Variants in KAT2B observed in about 807,000 individuals in gnomAD.
KAT2B encodes the protein lysine acetyltransferase 2B, also known as histone acetyltransferase KAT2B.
KAT2B carries 36 observed loss-of-function variants against 105.9 expected under a neutral mutation model. That is an observed-to-expected ratio of 0.34 (90% CI 0.26 to 0.45). The LOEUF (loss-of-function observed/expected upper bound fraction) is 0.45. Among genes scored for constraint, KAT2B ranks in the 20% least tolerant of loss-of-function variants. KAT2B has a pLI of 1.00. For missense variants in KAT2B, 820 were observed against 1,021.6 expected (o/e 0.80, Z 2.69); for synonymous variants, 397 against 377.9 (o/e 1.05, Z -0.59).
chr3:20,070,267 T>C (rs1698297027), intron 1 of KAT2B, among the ~76,000 whole-genome samples: 1 of 151,982 alleles, frequency 6.6e-6, no homozygotes, highest in South Asian at 2.1e-4. Flanking sequence ...CCATGACCCT[T>C]CTTACCTTGC....
At chr3:20,089,922 C>T (rs1012121829) in intron 2 of KAT2B, among the ~76,000 whole-genome samples, 3 of 151,310 alleles carry the variant, frequency 2.0e-5, no homozygotes, top group African/African-American at 7.3e-5. Flanking sequence ...GGAAGGATTG[C>T]TTGAGCCCAG....
chr3:20,126,437 T>A (rs533496528), intron 10 of KAT2B, among the ~76,000 whole-genome samples: 1 of 152,036 alleles, frequency 6.6e-6, no homozygotes, highest in Admixed American at 6.6e-5. Context: ...GGTTTTGGTA[T>A]CTTAACTAGG....
At chr3:20,041,373 G>T (rs1465123885) in intron 1 of KAT2B, among the ~76,000 whole-genome samples, 1 of 152,110 alleles carries the variant, frequency 6.6e-6, no homozygotes, top group Non-Finnish European at 1.5e-5. Context: ...AGGCACTGCC[G>T]CGCGCGGTGA....
rs905532714 is a variant in KAT2B at position 20,118,037 on chromosome 3, A to G, written c.1151-1561A>G. ...ACCTGGTTATAAACCAATTGTTAAC[A>G]TTTTGCCATCCTTGCTTTATTATTA... On this transcript the variant is annotated intron_variant, in intron 7 of 17. Coordinates refer to ENST00000263754, the MANE Select transcript of KAT2B (RefSeq NM_003884.5). 2.0e-5 allele frequency among the ~76,000 whole-genome samples: 3 copies of G among 151,554 alleles called. No individual in the cohort carries two copies. The East Asian group carries it at 5.8e-4, about 29-fold the overall frequency.
chr3:20,097,358 A>G (rs754665595), intron 3 of KAT2B, among the ~76,000 whole-genome samples: 1 of 152,092 alleles, frequency 6.6e-6, no homozygotes, highest in Non-Finnish European at 1.5e-5. Context: ...TCCCTCCTTC[A>G]TCTTAAAATA....
At chr3:20,136,354 T>C (rs1392656064) in intron 11 of KAT2B, among the ~76,000 whole-genome samples, 1 of 152,212 alleles carries the variant, frequency 6.6e-6, no homozygotes, top group Non-Finnish European at 1.5e-5. Context: ...CTTTCTAATG[T>C]CTTCTGGCTG....
intron 3 of KAT2B, among the ~76,000 whole-genome samples, chr3:20,098,546 AT>A (rs1698853159): frequency 6.6e-6 from 1 of 152,156 alleles, no homozygotes; most frequent in Non-Finnish European, 1.5e-5. Context: ...ATGCACACTT[AT>A]CCCAGCTTCA....
chr3:20,042,999 C>G (rs1697746083), intron 1 of KAT2B, among the ~76,000 whole-genome samples: 1 of 151,962 alleles, frequency 6.6e-6, no homozygotes, highest in African/African-American at 2.4e-5. Context: ...TCCCTGGGCT[C>G]AGGTGATCCT....
At chr3:20,078,008 C>G (rs1401383244) in intron 2 of KAT2B, among the ~76,000 whole-genome samples, 1 of 152,000 alleles carries the variant, frequency 6.6e-6, no homozygotes, top group East Asian at 1.9e-4. Flanking sequence ...AACTCCACCT[C>G]TACAAAAAAT....
At chr3:20,130,999 A>AGTTTCCTG (rs1349589705) in intron 11 of KAT2B, among the ~76,000 whole-genome samples, 1 of 130,476 alleles carries the variant, frequency 7.7e-6, no homozygotes, top group Non-Finnish European at 1.6e-5. Flanking sequence ...TTCTTCCTTT[A>AGTTTCCTG]GTTTCCTGGC....
chr3:20,080,927 A>T (rs926989737), intron 2 of KAT2B, among the ~76,000 whole-genome samples: 2 of 152,216 alleles, frequency 1.3e-5, no homozygotes, highest in East Asian at 1.9e-4. Context: ...CAGCTACTGG[A>T]ATACTTAAAT....
intron 2 of KAT2B, among the ~76,000 whole-genome samples, chr3:20,083,065 A>G (rs1339204835): frequency 1.3e-5 from 2 of 152,220 alleles, no homozygotes; most frequent in African/African-American, 4.8e-5. Context: ...TAGGCAGAGC[A>G]CAGGAAAAAG....
intron 12 of KAT2B, chr3:20,137,505 T>C (rs1024622532): frequency 6.4e-6 from 1 of 155,120 alleles, no homozygotes; most frequent in African/African-American, 2.4e-5. Context: ...TTGGCTGTCA[T>C]CTTTGCAGTT....
At chr3:20,061,927 C>T (rs188022955) in intron 1 of KAT2B, among the ~76,000 whole-genome samples, 62,601 of 95,790 alleles carry the variant, frequency 0.65, 22,015 homozygotes, top group African/African-American at 0.74. Flanking sequence ...TATTATATAT[C>T]ATATATAAAA....
intron 8 of KAT2B, among the ~76,000 whole-genome samples, chr3:20,121,341 T>A (rs538960642): frequency 6.6e-6 from 1 of 152,322 alleles, no homozygotes; most frequent in South Asian, 2.1e-4. Context: ...GGAAATAAAT[T>A]AGATCTAGAC....
Position 20,114,972 on chromosome 3 carries a change from G to A in KAT2B, c.1134G>A (p.Gln378=). The A allele has an allele frequency of 6.2e-7, 1 of 1,609,878 alleles. No homozygotes were observed. The highest frequency in any genetic ancestry group is 1.1e-5 in the South Asian group (1 of 90,984). ...DFLSASSRTS[Q]LGIQTVINPP... Reference sequence around the variant, plus strand: ...TCTCAGCCTCTTCCAGAACCAGCCAGCTAGGCATCCAAACAGGTAAGTTTC... The same window carrying A: ...TCTCAGCCTCTTCCAGAACCAGCCAACTAGGCATCCAAACAGGTAAGTTTC... Residue 378 remains glutamine (Q), a synonymous_variant, in exon 7 of 18, where the codon CAG becomes CAA. Coordinates refer to ENST00000263754, the MANE Select transcript of KAT2B (RefSeq NM_003884.5).
At chr3:20,134,809 A>C (rs1193258390) in intron 11 of KAT2B, among the ~76,000 whole-genome samples, 1 of 152,240 alleles carries the variant, frequency 6.6e-6, no homozygotes, top group Non-Finnish European at 1.5e-5. Context: ...TCACATAAGT[A>C]ATTTCAAAAT....
At chr3:20,051,732 A>G (rs1415463386) in intron 1 of KAT2B, among the ~76,000 whole-genome samples, 2 of 152,260 alleles carry the variant, frequency 1.3e-5, no homozygotes. Context: ...ATTTTTCATA[A>G]CAACTGTCCC....
At chr3:20,066,972 C>T (rs924519165) in intron 1 of KAT2B, among the ~76,000 whole-genome samples, 25 of 152,102 alleles carry the variant, frequency 1.6e-4, no homozygotes, top group African/African-American at 6.0e-4. Flanking sequence ...ACTCCGTATT[C>T]GCTTGTGGCT....
Sources: allele counts gnomAD v4.1 joint callset (sites outside exome capture counted in the v4.1 genomes callset), GRCh38; gene constraint gnomAD v4.1.1; transcripts MANE v1.5; gene names NCBI Gene and HGNC (gene_info 2026-07-23, HGNC 2026-07-21).